The following RFC4 variants were observed in gnomAD, a reference collection of about 807,000 sequenced individuals.
RFC4 encodes replication factor C subunit 4.
In RFC4, 38 loss-of-function variants were observed where a neutral mutation model predicts 47.6. The observed-to-expected ratio is 0.80, with a 90% CI of 0.62 to 1.05. The LOEUF (loss-of-function observed/expected upper bound fraction) is 1.05, where lower values mean the gene tolerates loss of function less well. Ranked by LOEUF, RFC4 falls within the 50% of genes least tolerant of loss-of-function variation. The probability of loss-of-function intolerance (pLI) is 0.00; values close to 1 mark genes in which losing one functional copy is unlikely to be tolerated. For synonymous variants in RFC4, 164 were observed against 150.0 expected (o/e 1.09, Z -0.68); for missense variants, 489 against 434.0 (o/e 1.13, Z -1.13).
At chr3:186,797,715 C>G in intron 3 of RFC4, 101 bp from the exon 4 acceptor site, 1 of 710,120 alleles carries the variant, frequency 1.4e-6, no homozygotes, top group East Asian at 2.7e-5. Context: ...AATGACTTCT[C>G]TAATAGGGCA....
chr3:186,799,829 T>A (rs1344689197), intron 3 of RFC4, among the ~76,000 whole-genome samples: 9 of 152,172 alleles, frequency 5.9e-5, no homozygotes, highest in Non-Finnish European at 1.3e-4. Context: ...ACTATGCAAC[T>A]GCAATTAAAA....
At chr3:186,803,627 C>T (rs1303703318) in intron 2 of RFC4, among the ~76,000 whole-genome samples, 1 of 151,332 alleles carries the variant, frequency 6.6e-6, no homozygotes, top group Non-Finnish European at 1.5e-5. Context: ...CCTCAGCCTC[C>T]CAAGTAGCTG....
In RFC4 at chr3:186,791,793, G is replaced by T. The variant is rs1445497276; in HGVS notation, c.733C>A (p.Leu245Ile). Residue 245 changes from leucine to isoleucine, a missense_variant, in exon 8 of 11, where the codon CTT (leucine) becomes ATT (isoleucine). This residue lies in a region of RFC4 where 283 missense variants were observed against 176.2 expected (regional missense o/e 1.61). Coordinates refer to ENST00000296273, the MANE Select transcript of RFC4 (RefSeq NM_002916.5). ...CCTGTTAATCGAGTAGCGCTTTGAA[G>T]AAATGTAATGGCTTTTCTTAAGTCT... The part of the protein sequence containing the change: ...EGDLRKAITF[L>I]QSATRLTGGK... The T allele has an allele frequency of 6.2e-7, 1 of 1,610,804 alleles. No homozygotes were observed. The highest frequency in any genetic ancestry group is 8.5e-7 in the Non-Finnish European group (1 of 1,177,050).
intron 2 of RFC4, among the ~76,000 whole-genome samples, chr3:186,803,815 T>C (rs913903945): frequency 2.0e-5 from 3 of 151,480 alleles, no homozygotes; most frequent in Non-Finnish European, 4.4e-5. Context: ...TGAGCCACCA[T>C]GCCAGGTGGT....
chr3:186,801,710 CAAAAAAAAAAAA>C (rs34281312), intron 2 of RFC4, among the ~76,000 whole-genome samples: 1 of 72,932 alleles, frequency 1.4e-5, no homozygotes. Context: ...GACTCTGTCT[CAAAAAAAAAAAA>C]AAAAAAAAAG....
chr3:186,794,930 G>T, intron 4 of RFC4, 153 bp from the exon 5 acceptor site: 1 of 749,936 alleles, frequency 1.3e-6, no homozygotes, highest in Non-Finnish European at 2.1e-6. Flanking sequence ...CTTCAGCAGA[G>T]TGCTGCAGTT....
chr3:186,797,595 TAAAAC>T lies in RFC4; in HGVS notation c.225_229del (p.Phe76ArgfsTer16). On this transcript the variant is annotated frameshift_variant, in exon 4 of 11. Transcript: ENST00000296273. LOFTEE classifies it high-confidence loss of function. ...TGTTTTTCCAGTTCCAGGTGGTCCG[TAAAAC>T]AAGAGATTAGGAAGCTGTAGAAATT... The T allele has an allele frequency of 6.2e-7, 1 of 1,609,626 alleles. No individual in the cohort carries two copies. The highest frequency in any genetic ancestry group is 8.5e-7 in the Non-Finnish European group (1 of 1,176,796).
In RFC4 at chr3:186,790,052, ATT is replaced by A. The variant is rs1446990155; in HGVS notation, c.1007_1008del (p.Lys336MetfsTer7). On this transcript the variant is annotated frameshift_variant, in exon 11 of 11. Transcript: ENST00000296273. LOFTEE classifies it high-confidence loss of function. The stretch of plus-strand genomic sequence containing the variant: ...TGTTCATCAGCACCATCTGCTAGGC[ATT>A]TGTCAACTTCCTACGAGAAAAATTT... ...IITEKLAEVD[K>X]CLADGADEHL... 3.7e-6 allele frequency: 6 copies of A among 1,613,434 alleles called. No homozygotes were observed. The highest frequency in any genetic ancestry group is 5.1e-6 in the Non-Finnish European group (6 of 1,179,522).
At position 186,804,673 on chromosome 3, in the gene RFC4, G is replaced by A. The variant is rs773156360; in HGVS notation, c.41C>T (p.Pro14Leu). ...TACTCCTCGATCCTTGGTCAGCGGG[G>A]GTTTAGTACTGATGGATGTACCTTT... is the stretch of plus-strand genomic sequence containing the variant. ...FLKGTSISTK[P>L]PLTKDRGVAA... Residue 14 changes from proline (P) to leucine (L), a missense_variant, in exon 2 of 11, where the codon CCC becomes CTC. Pro to Leu is a moderately conservative substitution (Grantham distance 98). Coordinates refer to ENST00000296273, the MANE Select transcript of RFC4 (RefSeq NM_002916.5). The A allele has an allele frequency of 6.2e-7, 1 of 1,613,898 alleles. No homozygotes were observed. Among genetic ancestry groups the A allele is most frequent in the East Asian group, 2.2e-5 (1 of 44,886 alleles).
At position 186,804,674 on chromosome 3, in the gene RFC4, G is replaced by C. The variant is rs762788766; in HGVS notation, c.40C>G (p.Pro14Ala). Reference sequence around the variant, plus strand: ...ACTCCTCGATCCTTGGTCAGCGGGGGTTTAGTACTGATGGATGTACCTTTA... The same window carrying C: ...ACTCCTCGATCCTTGGTCAGCGGGGCTTTAGTACTGATGGATGTACCTTTA... ...FLKGTSISTK[P>A]PLTKDRGVAA... Residue 14 changes from proline (P) to alanine (A), a missense_variant, in exon 2 of 11, where the codon CCC (proline) becomes GCC (alanine). Transcript: ENST00000296273. 6.2e-7 allele frequency: 1 copy of C among 1,613,756 alleles called. No homozygotes were observed. Among genetic ancestry groups the C allele is most frequent in the South Asian group, 1.1e-5 (1 of 91,038 alleles).
intron 2 of RFC4, among the ~76,000 whole-genome samples, chr3:186,803,905 G>A (rs769237167): frequency 1.4e-4 from 22 of 152,094 alleles, no homozygotes; most frequent in Non-Finnish European, 1.9e-4. Flanking sequence ...TCCAGGGCTG[G>A]GCGCGGTGGC....
In RFC4 at chr3:186,793,637, T is replaced by C. The variant is rs1307778063; in HGVS notation, c.411-690A>G. On this transcript the variant is annotated intron_variant, in intron 5 of 10. Coordinates refer to ENST00000296273, the MANE Select transcript of RFC4 (RefSeq NM_002916.5). This position sits in a 1 kb window ranked among gnomAD's most constrained non-coding sequence, Gnocchi z 4.2. ...ACGTGGTATTTCAATGTGGCTTTGA[T>C]TTTCATTTCCCAAATGGATAATGAT... Among the ~76,000 whole-genome samples the C allele has an allele frequency of 6.6e-6, 1 of 152,238 alleles. No homozygotes were observed. Among genetic ancestry groups the C allele is most frequent in the African/African-American group, 2.4e-5 (1 of 41,466 alleles).
chr3:186,795,513 G>A (rs779109253), intron 4 of RFC4, among the ~76,000 whole-genome samples: 5 of 151,870 alleles, frequency 3.3e-5, no homozygotes, highest in South Asian at 2.1e-4. Flanking sequence ...AATTATTTCC[G>A]GCCGGATGTG....
intron 2 of RFC4, among the ~76,000 whole-genome samples, chr3:186,801,879 C>T (rs1011497482): frequency 2.0e-5 from 3 of 151,138 alleles, no homozygotes; most frequent in African/African-American, 4.9e-5. Context: ...TAAAATTAGC[C>T]GGGCATGGTG....
intron 7 of RFC4, among the ~76,000 whole-genome samples, chr3:186,792,262 C>T (rs1049150353): frequency 3.9e-5 from 6 of 152,156 alleles, no homozygotes; most frequent in African/African-American, 1.4e-4. Context: ...ATGAAATCCA[C>T]CTCAGTTTCG....
At chr3:186,801,080 A>G in intron 3 of RFC4, 37 bp downstream of exon 3, 1 of 1,451,446 alleles carries the variant, frequency 6.9e-7, no homozygotes, top group Non-Finnish European at 9.7e-7. Flanking sequence ...TTAAGTCTTA[A>G]ATATCCCAAT....
At chr3:186,792,685 C>A in intron 6 of RFC4, 75 bp from the exon 7 acceptor site, 1 of 1,567,516 alleles carries the variant, frequency 6.4e-7, no homozygotes, top group South Asian at 1.2e-5. Context: ...TTATCAAGAA[C>A]AAATCAAGAT....
chr3:186,798,002 T>G (rs1360728171), intron 3 of RFC4, among the ~76,000 whole-genome samples: 1 of 152,184 alleles, frequency 6.6e-6, no homozygotes, highest in Non-Finnish European at 1.5e-5. Context: ...AAATGTCAGC[T>G]GCTTCAAAGG....
At chr3:186,798,725 C>T (rs1722293985) in intron 3 of RFC4, among the ~76,000 whole-genome samples, 1 of 152,122 alleles carries the variant, frequency 6.6e-6, no homozygotes, top group South Asian at 2.1e-4. Flanking sequence ...TGGCCAACTC[C>T]TAATGCATTA....
Sources: gnomAD v4.1 joint callset for allele counts (sites outside exome capture counted in the v4.1 genomes callset) on GRCh38, gnomAD v4.1.1 for gene constraint, gnomAD v4.1.1 regional missense constraint, Gnocchi (gnomAD v3.1) non-coding constraint, MANE v1.5 for transcripts, NCBI Gene and HGNC (gene_info 2026-07-23, HGNC 2026-07-21) for gene names.